The following BEAN1 variants were observed in gnomAD, a reference collection of about 807,000 sequenced individuals.
BEAN1 encodes the protein protein BEAN1.
Under a neutral mutation model 17.7 loss-of-function variants are expected in BEAN1, and 17 were observed. The ratio of observed to expected loss-of-function variants is 0.96; its 90% CI spans 0.66 to 1.44. BEAN1 has a LOEUF of 1.44. Ranked by LOEUF, BEAN1 falls within the 40% of genes most tolerant of loss-of-function variation. The pLI is 0.00. For missense variants in BEAN1, 359 were observed against 374.1 expected, an observed-to-expected ratio of 0.96 and a Z score of 0.33; for synonymous variants, 142 against 151.8, an observed-to-expected ratio of 0.94 and a Z score of 0.47.
At chr16:66,490,879 G>T (rs1489647628) in intron 4 of BEAN1, among the ~76,000 whole-genome samples, 1 of 152,208 alleles carries the variant, frequency 6.6e-6, no homozygotes, top group African/African-American at 2.4e-5. Flanking sequence ...GCAGGGCCTG[G>T]CTGCACATAG....
intron 2 of BEAN1, among the ~76,000 whole-genome samples, chr16:66,465,222 T>C (rs570325781): frequency 6.6e-6 from 1 of 152,360 alleles, no homozygotes; most frequent in Non-Finnish European, 1.5e-5. Context: ...AAACCAATCT[T>C]TCATTCCCGG....
chr16:66,474,569 A>AGAGGGAGGGAGAGAAGGAGGGAGG (rs1963623773), intron 3 of BEAN1, among the ~76,000 whole-genome samples: 1 of 38,802 alleles, frequency 2.6e-5, no homozygotes, highest in Non-Finnish European at 4.6e-5. Context: ...AGGGAGGGAG[A>AGAGGGAGGGAGAGAAGGAGGGAGG]GAGGGAGGGA....
chr16:66,481,050 GTAT>G lies in BEAN1; in HGVS notation c.*126_*128del. Reference sequence around the variant, plus strand: ...CATAACACACACATAGACCAAACTTGTATACACACAGACATCTACACTGACATA... The same window carrying G: ...CATAACACACACATAGACCAAACTTGACACACAGACATCTACACTGACATA... On this transcript the variant is annotated 3_prime_UTR_variant, in exon 5 of 5. Transcript: ENST00000536005. The surrounding 1 kb of genome is among the most constrained non-coding windows in gnomAD (Gnocchi z 4.1). The G allele has an allele frequency of 4.3e-6, 3 of 691,456 alleles. No homozygotes were observed. Among genetic ancestry groups the G allele is most frequent in the South Asian group, 3.4e-5 (1 of 29,194 alleles). 42.8% of individuals were successfully genotyped at this position (691,456 alleles called of 1,614,324 possible).
intron 3 of BEAN1, among the ~76,000 whole-genome samples, chr16:66,474,475 T>TA (rs1360484531): frequency 6.8e-6 from 1 of 147,900 alleles, no homozygotes; most frequent in Non-Finnish European, 1.5e-5. Flanking sequence ...AGCCTTTCTG[T>TA]AGTCTAGCCA....
chr16:66,468,499 G>C (rs1963342630), intron 2 of BEAN1, among the ~76,000 whole-genome samples: 1 of 152,270 alleles, frequency 6.6e-6, no homozygotes, highest in Middle Eastern at 3.4e-3. Flanking sequence ...CCTCAGGAAG[G>C]GTTTGCACTG....
rs534832600 is a variant in BEAN1 at position 66,472,825 on chromosome 16, G to C, written c.289+2960G>C. Reference sequence around the variant, plus strand: ...ACTTCAGACCAGGAGTTTGAGACCAGCCTGGGCAACACAGCAAGACCCCAT... The same window carrying C: ...ACTTCAGACCAGGAGTTTGAGACCACCCTGGGCAACACAGCAAGACCCCAT... On this transcript the variant is annotated intron_variant, in intron 3 of 4. Coordinates refer to ENST00000536005, the MANE Select transcript of BEAN1 (RefSeq NM_001178020.3). Among the ~76,000 whole-genome samples, 104 of 152,130 alleles carry C rather than the reference G, an allele frequency of 6.8e-4. 1 individual carries two copies. The highest frequency in any genetic ancestry group is 2.1e-4 in the Non-Finnish European group (14 of 67,998).
downstream of BEAN1, among the ~76,000 whole-genome samples, chr16:66,493,792 C>T (rs999423876): frequency 1.3e-5 from 2 of 152,222 alleles, no homozygotes; most frequent in Non-Finnish European, 2.9e-5. Context: ...GAATAGACGC[C>T]GCACCTCCCA....
chr16:66,488,868 T>G (rs1417709435), intron 4 of BEAN1, among the ~76,000 whole-genome samples: 3 of 152,096 alleles, frequency 2.0e-5, no homozygotes, highest in African/African-American at 7.2e-5. Context: ...GACCTCGGTC[T>G]GACCTTTAAA....
At position 66,445,475 on chromosome 16, in the gene BEAN1, C is replaced by CAAAAAAAAAAA. The variant is rs61540693; in HGVS notation, c.25+7804_25+7814dup. 3.2e-4 allele frequency among the ~76,000 whole-genome samples: 16 copies of CAAAAAAAAAAA among 49,324 alleles called. 2 individuals are homozygous for CAAAAAAAAAAA. The highest frequency in any genetic ancestry group is 3.9e-4 in the Non-Finnish European group (11 of 28,532). 32.4% of individuals were successfully genotyped at this position (49,324 alleles called of 152,430 possible). A position where few individuals can be genotyped will look rare whatever the true frequency, so the allele number is the denominator to read the frequency against. ...TGGGCAAGAGAGTGAGACTCCGTCT[C>CAAAAAAAAAAA]AAAAAAAAAAAAAAAAAAAAAAAAA... is the stretch of plus-strand genomic sequence containing the variant. On this transcript the variant is annotated intron_variant, in intron 2 of 4. Transcript: ENST00000536005.
intron 2 of BEAN1, among the ~76,000 whole-genome samples, chr16:66,464,445 A>G (rs1248302409): frequency 1.3e-5 from 2 of 151,928 alleles, no homozygotes; most frequent in Non-Finnish European, 2.9e-5. Flanking sequence ...GGCTCAAACG[A>G]TTCCCCTGCC....
At position 66,453,342 on chromosome 16, in the gene BEAN1, TACACAC is replaced by T. The variant is rs34867737; in HGVS notation, c.25+15663_25+15668del. 7.2e-3 allele frequency among the ~76,000 whole-genome samples: 1,065 copies of T among 147,730 alleles called. 4 individuals are homozygous for T. Among genetic ancestry groups the T allele is most frequent in the African/African-American group, 0.025 (992 of 40,324 alleles). On this transcript the variant is annotated intron_variant, in intron 2 of 4. Transcript: ENST00000536005. The stretch of plus-strand genomic sequence containing the variant: ...TGTTGTGTTTTTTTTCATTCTGTTA[TACACAC>T]ACACACACACACACACACACATTGT...
intron 2 of BEAN1, among the ~76,000 whole-genome samples, chr16:66,462,880 A>T (rs1244212304): frequency 2.0e-5 from 3 of 152,216 alleles, no homozygotes; most frequent in African/African-American, 7.2e-5. Flanking sequence ...GAATCCAAAG[A>T]CATCACAATT....
chr16:66,441,618 A>C (rs1412158698), intron 2 of BEAN1, among the ~76,000 whole-genome samples: 2 of 152,164 alleles, frequency 1.3e-5, no homozygotes, highest in Non-Finnish European at 2.9e-5. Flanking sequence ...AAGTCTGCAG[A>C]AGGTAAAACA....
At chr16:66,460,439 G>A (rs753756184) in intron 2 of BEAN1, among the ~76,000 whole-genome samples, 12 of 152,192 alleles carry the variant, frequency 7.9e-5, no homozygotes, top group Non-Finnish European at 8.8e-5. Flanking sequence ...GTCCCTACCT[G>A]CAATCTAGAA....
chr16:66,488,597 G>T (rs548205067), intron 4 of BEAN1, among the ~76,000 whole-genome samples: 1 of 151,994 alleles, frequency 6.6e-6, no homozygotes, highest in South Asian at 2.1e-4. Flanking sequence ...TACAGGGGAG[G>T]GTGGGACAGG....
In BEAN1 at chr16:66,481,414, T is replaced by C. The variant is rs1597052319; in HGVS notation, c.*489T>C. 4 of 396,290 alleles carry C rather than the reference T, an allele frequency of 1.0e-5. No individual in the cohort carries two copies. In the Admixed American group the frequency reaches 1.3e-4, roughly 13 times the overall value. The allele number at this position is 396,290 out of a possible 1,614,324, so 24.5% of individuals were successfully genotyped here. A position where few individuals can be genotyped will look rare whatever the true frequency, so the allele number is the denominator to read the frequency against. ...CCCTGACCCCTACCCCAGGGCCAGC[T>C]TGTCCTCCTGGGAGGCGGGACAGGC... is the stretch of plus-strand genomic sequence containing the variant. On this transcript the variant is annotated 3_prime_UTR_variant, in exon 5 of 5. Coordinates refer to ENST00000536005, the MANE Select transcript of BEAN1 (RefSeq NM_001178020.3). The surrounding 1 kb of genome is among the most constrained non-coding windows in gnomAD (Gnocchi z 4.1).
At chr16:66,456,108 T>C (rs771642422) in intron 2 of BEAN1, among the ~76,000 whole-genome samples, 9 of 152,222 alleles carry the variant, frequency 5.9e-5, no homozygotes, top group Non-Finnish European at 8.8e-5. Flanking sequence ...GGAACACAGC[T>C]CTAGGCTGGT....
At chr16:66,472,599 G>A (rs1351575040) in intron 3 of BEAN1, among the ~76,000 whole-genome samples, 1 of 152,184 alleles carries the variant, frequency 6.6e-6, no homozygotes, top group African/African-American at 2.4e-5. Flanking sequence ...AGCTACTCAG[G>A]AGGCTGAGGT....
At chr16:66,492,427 T>C (rs1162328580) in intron 4 of BEAN1, among the ~76,000 whole-genome samples, 1 of 151,960 alleles carries the variant, frequency 6.6e-6, no homozygotes, top group African/African-American at 2.4e-5. Flanking sequence ...CCCAGCTCAG[T>C]CACTCTCTTT....
Sources: gnomAD v4.1 joint callset for allele counts (sites outside exome capture counted in the v4.1 genomes callset) on GRCh38, gnomAD v4.1.1 for gene constraint, Gnocchi (gnomAD v3.1) non-coding constraint, MANE v1.5 for transcripts, NCBI Gene and HGNC (gene_info 2026-07-23, HGNC 2026-07-21) for gene names.